Variants in TMEM144 observed in about 807,000 individuals in gnomAD.
The protein encoded by TMEM144 is transmembrane protein 144.
Under a neutral mutation model 43.6 loss-of-function variants are expected in TMEM144, and 39 were observed. The observed-to-expected ratio is 0.90, with a 90% CI of 0.69 to 1.17. The LOEUF (loss-of-function observed/expected upper bound fraction) is 1.17. TMEM144 is among the 50% of genes most tolerant of loss of function. The pLI, the probability that TMEM144 is intolerant of heterozygous loss-of-function variation, is 0.00. For missense variants in TMEM144, 417 were observed against 411.9 expected (o/e 1.01, Z -0.11); for synonymous variants, 154 against 133.6 (o/e 1.15, Z -1.06).
intron 11 of TMEM144, among the ~76,000 whole-genome samples, chr4:158,242,368 C>G (rs1230005834): frequency 1.3e-5 from 2 of 152,200 alleles, no homozygotes; most frequent in African/African-American, 4.8e-5. Flanking sequence ...CTTATCTACA[C>G]ACAGAAGAGT....
chr4:158,229,894 C>T (rs1022031593), intron 6 of TMEM144, among the ~76,000 whole-genome samples: 1 of 152,204 alleles, frequency 6.6e-6, no homozygotes, highest in Non-Finnish European at 1.5e-5. Flanking sequence ...TGGATGCTAC[C>T]CTTCCCTCAC....
In TMEM144 at chr4:158,242,994, G is replaced by A. The variant is rs536841308; in HGVS notation, c.901-1302G>A. Among the ~76,000 whole-genome samples the A allele has an allele frequency of 3.3e-5, 5 of 152,238 alleles. No individual in the cohort carries two copies. The South Asian group carries it at 8.3e-4, about 25-fold the overall frequency. ...CCCTTCCTGTAACCACACTACTCAC[G>A]ATAACTCTTAGGCCATGCTTAAACT... is the stretch of plus-strand genomic sequence containing the variant. On this transcript the variant is annotated intron_variant, in intron 11 of 12. Coordinates refer to ENST00000296529, the MANE Select transcript of TMEM144 (RefSeq NM_018342.5).
chr4:158,213,779 A>C (rs1339979068), intron 3 of TMEM144: 2 of 152,164 alleles, frequency 1.3e-5, no homozygotes, highest in Non-Finnish European at 2.9e-5. Flanking sequence ...GTCTTCGTGC[A>C]CTTAGAAAAT....
rs1736314194 is a variant in TMEM144 at position 158,253,457 on chromosome 4, A to G, written c.968A>G (p.Tyr323Cys). The G allele has an allele frequency of 6.2e-7, 1 of 1,613,300 alleles. No homozygotes were observed. The change falls in exon 13 of 13, where the codon TAC becomes TGC. Residue 323 changes from tyrosine (Y) to cysteine (C), a missense_variant. Coordinates refer to ENST00000296529, the MANE Select transcript of TMEM144 (RefSeq NM_018342.5). ...TTTCTTATTCAGGGTCTACAAAACT[A>G]CCTATTAATGATACTTGCATTTTGC... is the stretch of plus-strand genomic sequence containing the variant. ...MFKEIKGLQN[Y>C]LLMILAFCII... is the part of the protein sequence containing the mutation.
intron 11 of TMEM144, among the ~76,000 whole-genome samples, chr4:158,243,185 C>T (rs2111145670): frequency 6.6e-6 from 1 of 152,260 alleles, no homozygotes; most frequent in East Asian, 1.9e-4. Flanking sequence ...TCCTCTCATT[C>T]TGTTGAAAGT....
At position 158,241,587 on chromosome 4, in the gene TMEM144, G is replaced by A; in HGVS notation, c.881G>A (p.Ser294Asn). ...IANHSLSAVV[S>N]FPIITAGPGF... ...AATCACTCTCTGAGTGCTGTGGTCA[G>A]TTTTCCAATAATCACTGCTGTAAGT... Residue 294 changes from serine (S) to asparagine (N), a missense_variant, in exon 11 of 13, where the codon AGT becomes AAT. Physicochemically the swap from Ser to Asn is conservative, Grantham distance 46. Coordinates refer to ENST00000296529, the MANE Select transcript of TMEM144 (RefSeq NM_018342.5). 6.2e-7 allele frequency: 1 copy of A among 1,613,754 alleles called. No individual in the cohort carries two copies. The highest frequency in any genetic ancestry group is 2.2e-5 in the East Asian group (1 of 44,870).
intron 7 of TMEM144, chr4:158,233,215 T>G (rs1180499040): frequency 5.7e-6 from 2 of 352,804 alleles, no homozygotes; most frequent in Middle Eastern, 8.0e-4. Flanking sequence ...AGATCTCTAC[T>G]AGGTGATATA....
At position 158,225,795 on chromosome 4, in the gene TMEM144, G is replaced by C. The variant is rs576435243; in HGVS notation, c.413+6405G>C. Among the ~76,000 whole-genome samples the C allele has an allele frequency of 2.6e-5, 4 of 152,338 alleles. No individual in the cohort carries two copies. The South Asian group carries it at 8.3e-4, about 32-fold the overall frequency. ...TCATCACATCCTTTCAGGTCTCTAA[G>C]GAATGCTGTTTCCTCCCTGTCGTGA... is the stretch of plus-strand genomic sequence containing the variant. On this transcript the variant is annotated intron_variant, in intron 6 of 12. Coordinates refer to ENST00000296529, the MANE Select transcript of TMEM144 (RefSeq NM_018342.5).
At chr4:158,248,357 G>A (rs553331822) in intron 12 of TMEM144, among the ~76,000 whole-genome samples, 18 of 152,224 alleles carry the variant, frequency 1.2e-4, no homozygotes, top group African/African-American at 4.3e-4. Flanking sequence ...GCTTGAACCT[G>A]GAAAGTGGAG....
rs751833738 is a variant in TMEM144, at chr4:158,232,970, A to T, written c.483A>T (p.Leu161Phe). Residue 161 changes from leucine (L) to phenylalanine (F), a missense_variant, in exon 7 of 13, where the codon TTA becomes TTT. Physicochemically the swap from Leu to Phe is conservative, Grantham distance 22. Transcript: ENST00000296529. ...NNTCSMDTTPLITEHVINTTQ... is the reference protein window; with the variant it reads ...NNTCSMDTTPFITEHVINTTQ... ...CGTGTTCCATGGATACCACTCCATTAATAACAGAGCATGTGAGTATAGTAT... is the reference window on the plus strand; with the variant it reads ...CGTGTTCCATGGATACCACTCCATTTATAACAGAGCATGTGAGTATAGTAT... 1.2e-6 allele frequency: 2 copies of T among 1,609,280 alleles called. No individual in the cohort carries two copies. Among genetic ancestry groups the T allele is most frequent in the Non-Finnish European group, 1.7e-6 (2 of 1,177,154 alleles).
At chr4:158,245,000 A>AT (rs929774434) in intron 12 of TMEM144, among the ~76,000 whole-genome samples, 93 of 149,830 alleles carry the variant, frequency 6.2e-4, no homozygotes, top group Non-Finnish European at 9.5e-4. Context: ...AAGATGAAAG[A>AT]TTTTTTTTTT....
At chr4:158,232,854 TA>T (rs1560830855) in intron 6 of TMEM144, 46 bp from the exon 7 acceptor site, 1 of 1,319,130 alleles carries the variant, frequency 7.6e-7, no homozygotes, top group East Asian at 2.3e-5. Flanking sequence ...CAGCTTGATA[TA>T]AACCAGTATT....
chr4:158,235,409 G>A (rs1735288561), intron 7 of TMEM144, 29 bp from the exon 8 acceptor site: 1 of 1,609,848 alleles, frequency 6.2e-7, no homozygotes, highest in African/African-American at 1.3e-5. Context: ...ATGTTCTTTT[G>A]TTTTAATTTG....
In TMEM144 at chr4:158,232,990, T is replaced by C; in HGVS notation, c.495+8T>C. ...CCATTAATAACAGAGCATGTGAGTA[T>C]AGTATGAGAGACAACTTGATTTGAA... On this transcript the variant is annotated splice_region_variant and intron_variant, in intron 7 of 12. Transcript: ENST00000296529. 1 of 1,576,876 alleles carries C rather than the reference T, an allele frequency of 6.3e-7. No individual in the cohort carries two copies. Among genetic ancestry groups the C allele is most frequent in the Non-Finnish European group, 8.7e-7 (1 of 1,155,496 alleles).
chr4:158,241,464 GGAGGGGAA>G, intron 10 of TMEM144, 37 bp from the exon 11 acceptor site: 1 of 1,468,706 alleles, frequency 6.8e-7, no homozygotes, highest in Non-Finnish European at 9.5e-7. Context: ...GAGTTCTTCA[GGAGGGGAA>G]CATGGTCTGC....
chr4:158,219,339 A>G lies in TMEM144; in HGVS notation c.362A>G (p.Glu121Gly). 1.2e-6 allele frequency: 2 copies of G among 1,613,896 alleles called. No homozygotes were observed. Among genetic ancestry groups the G allele is most frequent in the Non-Finnish European group, 1.7e-6 (2 of 1,179,834 alleles). Residue 121 changes from glutamate to glycine, a missense_variant, in exon 6 of 13, where the codon GAA becomes GGA. Glu to Gly is a moderately conservative substitution (Grantham distance 98, BLOSUM62 -2). Transcript: ENST00000296529. Reference sequence around the variant, plus strand: ...GGCTGGTTTGGATTGGATGCAGAAGAAGTATCAAATCCGCTGCTAAATTAC... The same window carrying G: ...GGCTGGTTTGGATTGGATGCAGAAGGAGTATCAAATCCGCTGCTAAATTAC... ...RFGWFGLDAE[E>G]VSNPLLNYIG...
intron 8 of TMEM144, among the ~76,000 whole-genome samples, chr4:158,235,951 A>G (rs1735323821): frequency 6.6e-6 from 1 of 152,220 alleles, no homozygotes; most frequent in Non-Finnish European, 1.5e-5. Flanking sequence ...ATTGTCAAAT[A>G]TAGTGGAACA....
chr4:158,254,034 T>C lies in TMEM144; in HGVS notation c.*507T>C, dbSNP rs1224458477. 6.6e-6 allele frequency: 1 copy of C among 152,296 alleles called. No individual in the cohort carries two copies. Among genetic ancestry groups the C allele is most frequent in the Non-Finnish European group, 1.5e-5 (1 of 68,100 alleles). 9.4% of individuals were successfully genotyped at this position (152,296 alleles called of 1,614,324 possible). On this transcript the variant is annotated 3_prime_UTR_variant, in exon 13 of 13. Transcript: ENST00000296529. Reference sequence around the variant, plus strand: ...AAATGCATAGTTGGTAACTAAATGTTAAAAAGGCCATTTTATTATTGTTAG... The same window carrying C: ...AAATGCATAGTTGGTAACTAAATGTCAAAAAGGCCATTTTATTATTGTTAG...
chr4:158,238,475 T>A (rs534047549), intron 9 of TMEM144, among the ~76,000 whole-genome samples: 2 of 152,196 alleles, frequency 1.3e-5, no homozygotes, highest in Non-Finnish European at 2.9e-5. Context: ...CTCAAACCTT[T>A]TACTGACTTC....
Sources: gnomAD v4.1 joint callset for allele counts (sites outside exome capture counted in the v4.1 genomes callset) on GRCh38, gnomAD v4.1.1 for gene constraint, MANE v1.5 for transcripts, NCBI Gene and HGNC (gene_info 2026-07-23, HGNC 2026-07-21) for gene names.